COG5: variants seen among roughly 807,000 people sequenced by gnomAD.
The protein encoded by COG5 is conserved oligomeric Golgi complex subunit 5.
Under a neutral mutation model 110.4 loss-of-function variants are expected in COG5, and 86 were observed. The observed-to-expected ratio is 0.78, with a 90% confidence interval of 0.65 to 0.93. COG5 has a LOEUF of 0.93. Among genes scored for constraint, COG5 ranks in the 40% least tolerant of loss-of-function variants. The pLI, the probability that COG5 is intolerant of heterozygous loss-of-function variation, is 0.00. For missense variants in COG5, 1,077 were observed against 987.0 expected (o/e 1.09, Z -1.22); for synonymous variants, 360 against 334.6 (o/e 1.08, Z -0.83).
intron 6 of COG5, among the ~76,000 whole-genome samples, chr7:107,434,998 T>C (rs2129082564): frequency 6.6e-6 from 1 of 151,190 alleles, no homozygotes; most frequent in African/African-American, 2.4e-5. Flanking sequence ...CAAAATCCTG[T>C]CACATATTGC....
intron 5 of COG5, among the ~76,000 whole-genome samples, chr7:107,543,348 G>C (rs1017820245): frequency 6.6e-6 from 1 of 152,192 alleles, no homozygotes; most frequent in African/African-American, 2.4e-5. Flanking sequence ...AGAGAAAAGA[G>C]AAGGAATTGA....
At chr7:107,384,830 C>T (rs1815439124) in intron 7 of COG5, among the ~76,000 whole-genome samples, 1 of 152,174 alleles carries the variant, frequency 6.6e-6, no homozygotes, top group African/African-American at 2.4e-5. Flanking sequence ...ACTTTCCAAT[C>T]TCTAGAACTG....
intron 17 of COG5, among the ~76,000 whole-genome samples, chr7:107,243,641 G>A (rs574490988): frequency 3.4e-4 from 52 of 151,784 alleles, no homozygotes; most frequent in Admixed American, 8.5e-4. Flanking sequence ...AGACATTCAG[G>A]ACCTAAATGC....
intron 7 of COG5, among the ~76,000 whole-genome samples, chr7:107,378,409 G>A (rs1463543569): frequency 6.6e-6 from 1 of 152,120 alleles, no homozygotes; most frequent in African/African-American, 2.4e-5. Flanking sequence ...AACAAAACTG[G>A]ATGGAGAATG....
intron 17 of COG5, among the ~76,000 whole-genome samples, chr7:107,245,261 T>C (rs1045649848): frequency 1.8e-4 from 27 of 152,180 alleles, no homozygotes; most frequent in African/African-American, 4.6e-4. Context: ...AACATTACAC[T>C]GAATGGGCCA....
chr7:107,362,593 G>A (rs554401296), intron 8 of COG5, among the ~76,000 whole-genome samples, 173 bp from the exon 9 acceptor site: 53 of 152,134 alleles, frequency 3.5e-4, no homozygotes, highest in African/African-American at 1.2e-3. Context: ...AAAGGGAAGC[G>A]ACACATACCC....
intron 6 of COG5, among the ~76,000 whole-genome samples, chr7:107,447,045 ACTG>A (rs1227093444): frequency 6.6e-6 from 1 of 152,210 alleles, no homozygotes; most frequent in African/African-American, 2.4e-5. Flanking sequence ...CTGGGAAAGA[ACTG>A]CTTCCAGATT....
intron 6 of COG5, among the ~76,000 whole-genome samples, chr7:107,526,781 G>A (rs1001190224): frequency 6.6e-6 from 1 of 152,140 alleles, no homozygotes; most frequent in Non-Finnish European, 1.5e-5. Flanking sequence ...CAAGAAGACA[G>A]CCTCAAAAGG....
intron 7 of COG5, among the ~76,000 whole-genome samples, chr7:107,391,934 T>C (rs1433759888): frequency 6.6e-6 from 1 of 151,976 alleles, no homozygotes; most frequent in Non-Finnish European, 1.5e-5. Context: ...TACCAAAAAA[T>C]ACAAAAATTA....
chr7:107,216,769 T>C (rs957490189), intron 19 of COG5, among the ~76,000 whole-genome samples: 1 of 152,060 alleles, frequency 6.6e-6, no homozygotes, highest in Non-Finnish European at 1.5e-5. Flanking sequence ...GAAGGAAATT[T>C]ATAGCAACAA....
At chr7:107,317,770 A>T (rs1371270785) in intron 11 of COG5, among the ~76,000 whole-genome samples, 1 of 152,180 alleles carries the variant, frequency 6.6e-6, no homozygotes, top group Non-Finnish European at 1.5e-5. Flanking sequence ...GTAGAAAAAT[A>T]TCAGGTCTGA....
intron 21 of COG5, among the ~76,000 whole-genome samples, chr7:107,206,155 G>C (rs1225473200): frequency 2.0e-5 from 3 of 152,084 alleles, no homozygotes; most frequent in Non-Finnish European, 4.4e-5. Flanking sequence ...TAGAGACGGG[G>C]TTTCACCGTG....
chr7:107,301,075 T>G (rs746871524), intron 11 of COG5, among the ~76,000 whole-genome samples: 1 of 152,168 alleles, frequency 6.6e-6, no homozygotes, highest in Non-Finnish European at 1.5e-5. Flanking sequence ...CAAATGATAC[T>G]GTAACAATTG....
intron 6 of COG5, among the ~76,000 whole-genome samples, chr7:107,509,285 G>C (rs1291816444): frequency 6.6e-6 from 1 of 152,204 alleles, no homozygotes; most frequent in Non-Finnish European, 1.5e-5. Flanking sequence ...TCAACTGGAA[G>C]AAAGGGTACC....
In COG5 at chr7:107,245,996, G is replaced by GGTACCA. The variant is rs1251545541; in HGVS notation, c.1853+2399_1853+2400insTGGTAC. Among the ~76,000 whole-genome samples, 12 of 152,248 alleles carry GGTACCA rather than the reference G, an allele frequency of 7.9e-5. No homozygotes were observed. The East Asian group carries it at 1.9e-3, about 24-fold the overall frequency. ...AAGGCTACCATAACCAAAACAGAAT[G>GGTACCA]GTACTGGTACAAAAACAGGCACATA... On this transcript the variant is annotated intron_variant, in intron 17 of 21. Transcript: ENST00000297135.
At chr7:107,549,165 T>C (rs999979500) in intron 3 of COG5, 3 of 152,198 alleles carry the variant, frequency 2.0e-5, no homozygotes, top group Non-Finnish European at 4.4e-5. Context: ...GTATTCACCA[T>C]ACACTGCCAA....
intron 5 of COG5, among the ~76,000 whole-genome samples, chr7:107,538,480 T>A (rs1178877404): frequency 1.3e-5 from 2 of 152,150 alleles, no homozygotes; most frequent in Non-Finnish European, 2.9e-5. Flanking sequence ...CCTATTAAAC[T>A]TCCACTCTGA....
intron 11 of COG5, among the ~76,000 whole-genome samples, chr7:107,323,485 C>T (rs1341332079): frequency 1.3e-5 from 2 of 152,100 alleles, no homozygotes; most frequent in Non-Finnish European, 2.9e-5. Flanking sequence ...GAGCCGAGAT[C>T]ACGTGACTGC....
intron 12 of COG5, among the ~76,000 whole-genome samples, chr7:107,286,303 C>T (rs1479240258): frequency 6.6e-6 from 1 of 152,192 alleles, no homozygotes; most frequent in East Asian, 1.9e-4. Flanking sequence ...ATATTTTACT[C>T]TAAAGAACTT....
Sources: allele counts gnomAD v4.1 joint callset (sites outside exome capture counted in the v4.1 genomes callset), GRCh38; gene constraint gnomAD v4.1.1; transcripts MANE v1.5; gene names NCBI Gene and HGNC (gene_info 2026-07-23, HGNC 2026-07-21).